RELL1: variants seen among roughly 807,000 people sequenced by gnomAD.
The protein encoded by RELL1 is RELT-like protein 1.
Under a neutral mutation model 23.0 loss-of-function variants are expected in RELL1, and 10 were observed. The observed-to-expected ratio is 0.43, with a 90% CI of 0.27 to 0.74. The LOEUF is 0.74. RELL1 is among the 30% of genes least tolerant of loss of function. The pLI is 0.19. For missense variants in RELL1, 315 were observed against 364.4 expected, an observed-to-expected ratio of 0.86 and a Z score of 1.10; for synonymous variants, 146 against 146.8, an observed-to-expected ratio of 0.99 and a Z score of 0.04.
intron 5 of RELL1, among the ~76,000 whole-genome samples, chr4:37,632,635 T>C (rs1463042465): frequency 6.6e-6 from 1 of 152,028 alleles, no homozygotes; most frequent in Non-Finnish European, 1.5e-5. Flanking sequence ...CTCTCACACA[T>C]ATGCAGAAAA....
chr4:37,608,430 C>T (rs1268307676), downstream of RELL1, among the ~76,000 whole-genome samples: 1 of 152,114 alleles, frequency 6.6e-6, no homozygotes, highest in Non-Finnish European at 1.5e-5. Context: ...AGTGCAACAG[C>T]CTTATTGCTG....
At chr4:37,626,714 G>A (rs1719963638) in intron 6 of RELL1, among the ~76,000 whole-genome samples, 1 of 152,084 alleles carries the variant, frequency 6.6e-6, no homozygotes, top group Non-Finnish European at 1.5e-5. Flanking sequence ...AAAAAAAGAA[G>A]GAAATCCTGT....
chr4:37,642,328 A>T (rs1413065748), intron 3 of RELL1, among the ~76,000 whole-genome samples: 1 of 152,228 alleles, frequency 6.6e-6, no homozygotes, highest in African/African-American at 2.4e-5. Context: ...TTTACTAAGC[A>T]GCCAGTTCAA....
At chr4:37,671,556 C>T (rs1004428479) in intron 1 of RELL1, among the ~76,000 whole-genome samples, 22 of 152,172 alleles carry the variant, frequency 1.4e-4, no homozygotes, top group African/African-American at 4.6e-4. Flanking sequence ...TGACAGTTTA[C>T]AGATGCCATG....
At chr4:37,588,103 G>C (rs942047040), downstream of RELL1, 1 of 152,260 alleles carries the variant, frequency 6.6e-6, no homozygotes, top group African/African-American at 2.4e-5. Flanking sequence ...ATGAAGAGAA[G>C]ATTTTGTTCC....
At chr4:37,644,425 CTTTTAT>C (rs1553874285) in intron 3 of RELL1, among the ~76,000 whole-genome samples, 1 of 129,564 alleles carries the variant, frequency 7.7e-6, no homozygotes, top group African/African-American at 2.8e-5. Flanking sequence ...TCATCTGGTA[CTTTTAT>C]TTTTATTTTT....
intron 1 of RELL1, among the ~76,000 whole-genome samples, chr4:37,661,289 G>GTT (rs1356849342): frequency 6.6e-6 from 1 of 151,898 alleles, no homozygotes; most frequent in Non-Finnish European, 1.5e-5. Context: ...TTGTTTGTTT[G>GTT]TTTGTTTTTT....
chr4:37,637,023 C>T (rs189595184), intron 4 of RELL1, among the ~76,000 whole-genome samples: 3 of 152,320 alleles, frequency 2.0e-5, no homozygotes, highest in East Asian at 3.9e-4. Context: ...ATTAGCACCA[C>T]ATATTAGAAA....
At chr4:37,660,842 T>C (rs916128949) in intron 1 of RELL1, among the ~76,000 whole-genome samples, 21 of 152,164 alleles carry the variant, frequency 1.4e-4, no homozygotes, top group Admixed American at 2.6e-4. Context: ...CCATCCTGGC[T>C]AACACGGTGA....
chr4:37,646,294 T>TA (rs1720709003), intron 3 of RELL1, among the ~76,000 whole-genome samples: 1 of 152,192 alleles, frequency 6.6e-6, no homozygotes, highest in East Asian at 1.9e-4. Flanking sequence ...ATCTTCCATT[T>TA]AAGATGATAA....
At chr4:37,604,866 G>GACACACACACAC (rs752355951) in intron 6 of RELL1, among the ~76,000 whole-genome samples, 14 of 56,778 alleles carry the variant, frequency 2.5e-4, no homozygotes, top group Non-Finnish European at 4.9e-4. Flanking sequence ...CACACACACA[G>GACACACACACAC]ACACACACAC....
chr4:37,684,048 C>G (rs1243979185), intron 1 of RELL1, among the ~76,000 whole-genome samples: 1 of 152,070 alleles, frequency 6.6e-6, no homozygotes, highest in Non-Finnish European at 1.5e-5. Flanking sequence ...TGCACTCCAG[C>G]CTGGGCGACA....
At chr4:37,625,293 C>G (rs1054677096) in intron 6 of RELL1, among the ~76,000 whole-genome samples, 1 of 151,412 alleles carries the variant, frequency 6.6e-6, no homozygotes, top group Admixed American at 6.6e-5. Flanking sequence ...GAGGAAAGTT[C>G]CATGACACTG....
At chr4:37,682,371 T>G (rs746361646) in intron 1 of RELL1, among the ~76,000 whole-genome samples, 2 of 152,262 alleles carry the variant, frequency 1.3e-5, no homozygotes, top group African/African-American at 2.4e-5. Flanking sequence ...CTCAACCTAA[T>G]AGTTTATACC....
Position 37,619,243 on chromosome 4 carries a change from C to T in RELL1, c.*4-5901G>A, listed in dbSNP as rs545905810. ...TGTCACCCGGGCTGGAGTGCAGTGG[C>T]GCAATCTCGGCTCACTGCAACCTCC... On this transcript the variant is annotated intron_variant, in intron 6 of 6. Coordinates refer to ENST00000454158, the MANE Select transcript of RELL1 (RefSeq NM_001085400.2). 9.5e-4 allele frequency among the ~76,000 whole-genome samples: 137 copies of T among 144,288 alleles called. 1 individual carries two copies. Among genetic ancestry groups the T allele is most frequent in the Non-Finnish European group, 1.7e-3 (109 of 66,014 alleles). 94.7% of individuals were successfully genotyped at this position (144,288 alleles called of 152,430 possible). A position where few individuals can be genotyped will look rare whatever the true frequency, so the allele number is the denominator to read the frequency against.
chr4:37,647,524 G>A lies in RELL1; in HGVS notation c.314-85C>T, dbSNP rs1577587735. 8.8e-6 allele frequency: 8 copies of A among 907,982 alleles called. No individual in the cohort carries two copies. In the East Asian group the frequency reaches 2.0e-4, roughly 23 times the overall value. 56.2% of individuals were successfully genotyped at this position (907,982 alleles called of 1,614,324 possible). A position where few individuals can be genotyped will look rare whatever the true frequency, so the allele number is the denominator to read the frequency against. On this transcript the variant is annotated intron_variant, in intron 2 of 6. Transcript: ENST00000454158. ...CAATCTTAGAACCCAAGACCTCACTGAACAGTTTCCAGAAGCCTCAGGAGA... is the reference window on the plus strand; with the variant it reads ...CAATCTTAGAACCCAAGACCTCACTAAACAGTTTCCAGAAGCCTCAGGAGA...
intron 2 of RELL1, 147 bp from the exon 3 acceptor site, chr4:37,647,586 C>T: frequency 1.7e-6 from 1 of 575,958 alleles, no homozygotes; most frequent in Non-Finnish European, 3.2e-6. Flanking sequence ...TTTCTCCCTC[C>T]AGCCCCAAAC....
At chr4:37,671,953 CAGCCAAATGGT>C (rs1721849643) in intron 1 of RELL1, among the ~76,000 whole-genome samples, 1 of 152,132 alleles carries the variant, frequency 6.6e-6, no homozygotes, top group African/African-American at 2.4e-5. Flanking sequence ...AACTCAGATA[CAGCCAAATGGT>C]AGAGATTCAT....
intron 6 of RELL1, among the ~76,000 whole-genome samples, chr4:37,628,688 C>G (rs1241158477): frequency 3.3e-5 from 5 of 152,176 alleles, no homozygotes; most frequent in Admixed American, 3.3e-4. Flanking sequence ...ACATTCCAGA[C>G]TTTCTCTTGG....
Sources: gnomAD v4.1 joint callset for allele counts (sites outside exome capture counted in the v4.1 genomes callset) on GRCh38, gnomAD v4.1.1 for gene constraint, MANE v1.5 for transcripts, NCBI Gene and HGNC (gene_info 2026-07-23, HGNC 2026-07-21) for gene names.